The following NRXN3 variants were observed in gnomAD, a reference collection of about 807,000 sequenced individuals.
The protein encoded by NRXN3 is neurexin 3.
In NRXN3, 32 loss-of-function variants were observed where a neutral mutation model predicts 137.6. That is an observed-to-expected ratio of 0.23 (90% CI 0.18 to 0.31). The LOEUF (loss-of-function observed/expected upper bound fraction) is 0.31, where lower values mean the gene tolerates loss of function less well. NRXN3 is among the 10% of genes least tolerant of loss of function. NRXN3 has a pLI of 1.00. For missense variants in NRXN3, 1,574 were observed against 2,062.5 expected, an observed-to-expected ratio of 0.76 and a Z score of 4.59; for synonymous variants, 798 against 784.5, an observed-to-expected ratio of 1.02 and a Z score of -0.29.
intron 6 of NRXN3, among the ~76,000 whole-genome samples, chr14:78,666,004 T>G (rs996479010): frequency 1.1e-4 from 16 of 152,238 alleles, no homozygotes; most frequent in African/African-American, 3.9e-4. Flanking sequence ...CATGTTACTG[T>G]GCTCAGTCAG....
At chr14:79,507,053 C>G (rs2096885354) in intron 16 of NRXN3, among the ~76,000 whole-genome samples, 1 of 152,142 alleles carries the variant, frequency 6.6e-6, no homozygotes, top group African/African-American at 2.4e-5. Flanking sequence ...TATAACAGCT[C>G]TAATAGACAG....
At chr14:79,617,697 G>A (rs1411422509) in intron 16 of NRXN3, among the ~76,000 whole-genome samples, 1 of 152,006 alleles carries the variant, frequency 6.6e-6, no homozygotes, top group East Asian at 1.9e-4. Flanking sequence ...AACCAGTTGA[G>A]TTTGCGAAAG....
chr14:78,366,023 A>C (rs1038748805), intron 4 of NRXN3, among the ~76,000 whole-genome samples: 1 of 152,182 alleles, frequency 6.6e-6, no homozygotes, highest in African/African-American at 2.4e-5. Flanking sequence ...TAGTCACCTA[A>C]TTGCTGTGTG....
chr14:79,802,193 CT>C (rs1343504006), intron 19 of NRXN3, among the ~76,000 whole-genome samples: 1 of 152,082 alleles, frequency 6.6e-6, no homozygotes, highest in African/African-American at 2.4e-5. Flanking sequence ...GTTCAATGGC[CT>C]TTAAACTTTA....
chr14:79,573,517 C>T (rs887725185), intron 16 of NRXN3, among the ~76,000 whole-genome samples: 2 of 151,664 alleles, frequency 1.3e-5, no homozygotes, highest in African/African-American at 2.4e-5. Flanking sequence ...AGAAACCACT[C>T]GCAGGCCAGC....
intron 4 of NRXN3, among the ~76,000 whole-genome samples, chr14:78,510,040 TTA>T (rs57232548): frequency 1.2e-4 from 17 of 144,418 alleles, no homozygotes; most frequent in South Asian, 2.2e-4. Context: ...TGACAAAATT[TTA>T]TATATATATA....
intron 16 of NRXN3, among the ~76,000 whole-genome samples, chr14:79,533,445 C>T (rs2097186477): frequency 1.3e-5 from 2 of 152,138 alleles, no homozygotes; most frequent in African/African-American, 4.8e-5. Flanking sequence ...CAGTTATGTA[C>T]AAGAGGTGTG....
chr14:78,507,945 A>G (rs531395611), intron 4 of NRXN3, among the ~76,000 whole-genome samples: 2 of 152,178 alleles, frequency 1.3e-5, no homozygotes, highest in Admixed American at 1.3e-4. Context: ...TTCTCTTTAT[A>G]CAGAGATGAA....
intron 15 of NRXN3, among the ~76,000 whole-genome samples, chr14:79,218,224 T>G (rs1294655331): frequency 6.6e-6 from 1 of 152,186 alleles, no homozygotes; most frequent in East Asian, 1.9e-4. Flanking sequence ...TAAACACATT[T>G]TCTTGATTGT....
At position 78,617,523 on chromosome 14, in the gene NRXN3, G is replaced by A. The variant is rs545070134; in HGVS notation, c.758-27597G>A. 1.8e-4 allele frequency among the ~76,000 whole-genome samples: 27 copies of A among 152,306 alleles called. No homozygotes were observed. In the East Asian group the frequency reaches 3.7e-3, roughly 21 times the overall value. ...TTGGTATTACTGCAAAACCCAGGTT[G>A]AATCCCTTCAGGAGGAGACAGATGA... On this transcript the variant is annotated intron_variant, in intron 4 of 20. Transcript: ENST00000335750.
chr14:79,290,025 C>T (rs1416883512), intron 15 of NRXN3, among the ~76,000 whole-genome samples: 2 of 151,924 alleles, frequency 1.3e-5, no homozygotes, highest in Admixed American at 6.6e-5. Flanking sequence ...TTCCTCTCAC[C>T]CCCCCACGTT....
At chr14:79,840,292 C>T (rs1416240162) in intron 20 of NRXN3, among the ~76,000 whole-genome samples, 3 of 152,114 alleles carry the variant, frequency 2.0e-5, no homozygotes, top group African/African-American at 7.2e-5. Flanking sequence ...ATGTAGATAA[C>T]CAGGCACTTC....
At chr14:79,416,145 C>T (rs1355100750) in intron 15 of NRXN3, among the ~76,000 whole-genome samples, 1 of 152,136 alleles carries the variant, frequency 6.6e-6, no homozygotes, top group Non-Finnish European at 1.5e-5. Flanking sequence ...CTGATGTACC[C>T]AACACAGGGC....
intron 10 of NRXN3, among the ~76,000 whole-genome samples, chr14:78,904,488 ATTTC>A (rs2099208553): frequency 6.6e-6 from 1 of 152,050 alleles, no homozygotes; most frequent in Admixed American, 6.6e-5. Context: ...CGCCTGTTGC[ATTTC>A]TTTAAGTGTC....
chr14:79,748,555 G>A (rs1157032624), intron 19 of NRXN3, among the ~76,000 whole-genome samples: 2 of 152,014 alleles, frequency 1.3e-5, no homozygotes, highest in South Asian at 2.1e-4. Context: ...CCCTTGAAGA[G>A]TTGCTTGCCT....
chr14:78,187,383 T>G (rs927717313), intron 1 of NRXN3, among the ~76,000 whole-genome samples: 1 of 152,130 alleles, frequency 6.6e-6, no homozygotes, highest in Non-Finnish European at 1.5e-5. Context: ...GCTTTTTGTT[T>G]ACTAGTTGAG....
intron 15 of NRXN3, among the ~76,000 whole-genome samples, chr14:78,990,452 A>G (rs1016568053): frequency 1.0e-4 from 15 of 145,092 alleles, no homozygotes; most frequent in Admixed American, 7.1e-4. Flanking sequence ...GCTCACTGCA[A>G]CCTCCACCTC....
At chr14:79,307,353 T>C (rs1362629892) in intron 15 of NRXN3, among the ~76,000 whole-genome samples, 1 of 152,166 alleles carries the variant, frequency 6.6e-6, no homozygotes, top group East Asian at 1.9e-4. Flanking sequence ...AGTTACTTTA[T>C]TATATTTTAG....
intron 4 of NRXN3, among the ~76,000 whole-genome samples, chr14:78,480,072 C>T (rs941301555): frequency 2.2e-4 from 34 of 152,202 alleles, no homozygotes; most frequent in Non-Finnish European, 4.6e-4. Flanking sequence ...ACCTGGGAGG[C>T]GGAGGTTGCA....
Sources: allele counts gnomAD v4.1 joint callset (sites outside exome capture counted in the v4.1 genomes callset), GRCh38; gene constraint gnomAD v4.1.1; transcripts MANE v1.5; gene names NCBI Gene and HGNC (gene_info 2026-07-23, HGNC 2026-07-21).